GOLGB1: variants seen among roughly 807,000 people sequenced by gnomAD.
The protein encoded by GOLGB1 is golgin B1.
Under a neutral mutation model 336.9 loss-of-function variants are expected in GOLGB1, and 174 were observed. The observed-to-expected ratio is 0.52, with a 90% CI of 0.46 to 0.59. The LOEUF (loss-of-function observed/expected upper bound fraction) is 0.59, where lower values mean the gene tolerates loss of function less well. Ranked by LOEUF, GOLGB1 falls within the 20% of genes least tolerant of loss-of-function variation. The probability of loss-of-function intolerance (pLI) is 0.00; values close to 1 mark genes in which losing one functional copy is unlikely to be tolerated. For missense variants in GOLGB1, 3,331 were observed against 3,645.3 expected (o/e 0.91, Z 2.22); for synonymous variants, 1,208 against 1,289.2 (o/e 0.94, Z 1.35).
chr3:121,673,724 T>TATCTATCTATCTATC (rs1939917482), intron 17 of GOLGB1, among the ~76,000 whole-genome samples: 1 of 151,886 alleles, frequency 6.6e-6, no homozygotes, highest in Non-Finnish European at 1.5e-5. Flanking sequence ...TCTATCTATC[T>TATCTATCTATCTATC]ATCTATCTAT....
chr3:121,692,532 G>C lies in GOLGB1; in HGVS notation c.6832C>G (p.Gln2278Glu). The C allele has an allele frequency of 1.2e-6, 2 of 1,609,376 alleles. No individual in the cohort carries two copies. The highest frequency in any genetic ancestry group is 1.7e-6 in the Non-Finnish European group (2 of 1,178,642). ...GTATCACAGACCTTCTGCTGAAGCTGGACCTCTGTCTGGGCCTTGGACTCC... is the reference window on the plus strand; with the variant it reads ...GTATCACAGACCTTCTGCTGAAGCTCGACCTCTGTCTGGGCCTTGGACTCC... ...IWESKAQTEV[Q>E]LQQKVCDTLQ... Residue 2278 changes from glutamine (Q) to glutamate (E), a missense_variant, in exon 14 of 22, where the codon CAG becomes GAG. Coordinates refer to ENST00000614479, the MANE Select transcript of GOLGB1 (RefSeq NM_001366282.2).
intron 1 of GOLGB1, among the ~76,000 whole-genome samples, chr3:121,747,673 G>A (rs978380906): frequency 2.6e-5 from 4 of 151,794 alleles, no homozygotes; most frequent in Admixed American, 6.6e-5. Flanking sequence ...AAGACAGAAG[G>A]GGGTATATAT....
chr3:121,674,351 C>T (rs1367511594), intron 17 of GOLGB1, among the ~76,000 whole-genome samples: 10 of 152,048 alleles, frequency 6.6e-5, no homozygotes, highest in Non-Finnish European at 1.3e-4. Context: ...AGAGGAAAGG[C>T]CTTCAATTTT....
chr3:121,671,623 TTG>T (rs1184582706), intron 17 of GOLGB1, among the ~76,000 whole-genome samples: 1 of 152,218 alleles, frequency 6.6e-6, no homozygotes, highest in Non-Finnish European at 1.5e-5. Context: ...CCTTAAGTAT[TTG>T]TCTTTCCTTT....
chr3:121,729,011 C>T (rs959889731), intron 4 of GOLGB1, 177 bp downstream of exon 4: 3 of 423,252 alleles, frequency 7.1e-6, no homozygotes, highest in African/African-American at 6.2e-5. Flanking sequence ...ATCTTTCATT[C>T]TCCCTGTGTG....
chr3:121,700,414 A>C (rs897586627), intron 11 of GOLGB1, among the ~76,000 whole-genome samples: 1 of 152,144 alleles, frequency 6.6e-6, no homozygotes, highest in Non-Finnish European at 1.5e-5. Flanking sequence ...TTAGAATCCA[A>C]GTCTTCAGAG....
At chr3:121,741,873 T>C (rs914208804) in intron 1 of GOLGB1, among the ~76,000 whole-genome samples, 23 of 152,214 alleles carry the variant, frequency 1.5e-4, no homozygotes, top group Non-Finnish European at 2.5e-4. Flanking sequence ...AAAGAAGGTT[T>C]TCTTAGAGAA....
chr3:121,676,053 A>G (rs6793556), intron 17 of GOLGB1, among the ~76,000 whole-genome samples: 19,206 of 152,232 alleles, frequency 0.13, 1,434 homozygotes, highest in African/African-American at 0.19. Context: ...ACCAATAAAG[A>G]GTCTACAGTT....
intron 1 of GOLGB1, among the ~76,000 whole-genome samples, chr3:121,744,962 G>T (rs893616071): frequency 1.3e-5 from 2 of 152,142 alleles, no homozygotes; most frequent in Non-Finnish European, 2.9e-5. Flanking sequence ...TAAAGCGTCA[G>T]TTTCCTCATC....
At chr3:121,708,484 T>A (rs1418126825) in intron 10 of GOLGB1, among the ~76,000 whole-genome samples, 1 of 151,324 alleles carries the variant, frequency 6.6e-6, no homozygotes, top group African/African-American at 2.4e-5. Flanking sequence ...AAAAAAAAAA[T>A]TTGCCAGGCA....
Position 121,691,832 on chromosome 3 carries a change from T to C in GOLGB1, c.7532A>G (p.Asn2511Ser), listed in dbSNP as rs1392117650. 2 of 1,613,094 alleles carry C rather than the reference T, an allele frequency of 1.2e-6. No homozygotes were observed. The highest frequency in any genetic ancestry group is 1.7e-6 in the Non-Finnish European group (2 of 1,179,672). Residue 2511 changes from asparagine (N) to serine (S), a missense_variant, in exon 14 of 22, where the codon AAT becomes AGT. By Grantham distance (46) the Asn-to-Ser change is conservative. Transcript: ENST00000614479. ...QLIQEAAAEN[N>S]KLKEEIRGLR... ...GCCTCGTATTTCTTCTTTAAGCTTA[T>C]TATTCTCTGCAGCAGCCTCTTGGAT...
chr3:121,687,215 T>C (rs1941846886), intron 14 of GOLGB1, among the ~76,000 whole-genome samples: 1 of 152,050 alleles, frequency 6.6e-6, no homozygotes, highest in Non-Finnish European at 1.5e-5. Context: ...TGAGCCAAGA[T>C]TGCACCACTG....
Position 121,722,266 on chromosome 3 carries a change from G to T in GOLGB1, c.644C>A (p.Ala215Glu). 2 of 1,581,352 alleles carry T rather than the reference G, an allele frequency of 1.3e-6. No individual in the cohort carries two copies. Among genetic ancestry groups the T allele is most frequent in the Non-Finnish European group, 1.7e-6 (2 of 1,150,142 alleles). The change falls in exon 6 of 22, where the codon GCA (alanine) becomes GAA (glutamate). Residue 215 changes from alanine to glutamate, a missense_variant. Coordinates refer to ENST00000614479, the MANE Select transcript of GOLGB1 (RefSeq NM_001366282.2). ...CTAATTTTGTGAGGTCCCTACCTGT[G>T]CAGCTTGCTCTGCCTGTGTCTGGCT... The part of the protein sequence containing the change: ...QLSQTQAEQA[A>E]QLSSMQQVVR...
At position 121,663,555 on chromosome 3, in the gene GOLGB1, C is replaced by CA. The variant is rs1430515110; in HGVS notation, c.*924dup. 6.6e-6 allele frequency: 1 copy of CA among 152,196 alleles called. No homozygotes were observed. The highest frequency in any genetic ancestry group is 1.5e-5 in the Non-Finnish European group (1 of 68,024). 9.4% of individuals were successfully genotyped at this position (152,196 alleles called of 1,614,324 possible). On this transcript the variant is annotated 3_prime_UTR_variant, in exon 22 of 22. Coordinates refer to ENST00000614479, the MANE Select transcript of GOLGB1 (RefSeq NM_001366282.2). ...AAACTGTAATAACTGTCACTAACAGCAAAGTAGCTTAGTACTTCAAGAGGT... is the reference window on the plus strand; with the variant it reads ...AAACTGTAATAACTGTCACTAACAGCAAAAGTAGCTTAGTACTTCAAGAGGT...
At chr3:121,709,655 A>T (rs1392340312) in intron 10 of GOLGB1, among the ~76,000 whole-genome samples, 1 of 152,216 alleles carries the variant, frequency 6.6e-6, no homozygotes, top group Non-Finnish European at 1.5e-5. Context: ...AAAAAACCAC[A>T]ACATAACAAG....
chr3:121,731,477 C>T (rs1478020803), intron 1 of GOLGB1, among the ~76,000 whole-genome samples: 2 of 152,000 alleles, frequency 1.3e-5, no homozygotes, highest in Admixed American at 1.3e-4. Flanking sequence ...GATCCTGCCA[C>T]CTCAGCCTTT....
At chr3:121,738,610 G>A (rs182216546) in intron 1 of GOLGB1, among the ~76,000 whole-genome samples, 1 of 152,082 alleles carries the variant, frequency 6.6e-6, no homozygotes. Flanking sequence ...TACAAGGAGG[G>A]GTCTTCCCAT....
At position 121,691,158 on chromosome 3, in the gene GOLGB1, CTG is replaced by C. The variant is rs1942382690; in HGVS notation, c.8204_8205del (p.Thr2735SerfsTer16). On this transcript the variant is annotated frameshift_variant, in exon 14 of 22. Coordinates refer to ENST00000614479, the MANE Select transcript of GOLGB1 (RefSeq NM_001366282.2). LOFTEE classifies it high-confidence loss of function. Reference protein sequence around the residue: ...LMVTKENKGLTAQIQSFGRSM... With the variant: ...LMVTKENKGLXAQIQSFGRSM... ...GACCTTCCAAAAGACTGAATTTGTG[CTG>C]TGAGACCTTTATTTTCTTTGGTGAC... 1 of 1,613,298 alleles carries C rather than the reference CTG, an allele frequency of 6.2e-7. No individual in the cohort carries two copies. Among genetic ancestry groups the C allele is most frequent in the Non-Finnish European group, 8.5e-7 (1 of 1,179,844 alleles).
intron 2 of GOLGB1, chr3:121,730,236 T>C (rs567697375): frequency 2.5e-6 from 1 of 395,974 alleles, no homozygotes; most frequent in African/African-American, 2.1e-5. Context: ...ATTTAAGGTA[T>C]TATTATCCTA....
Sources: allele counts gnomAD v4.1 joint callset (sites outside exome capture counted in the v4.1 genomes callset), GRCh38; gene constraint gnomAD v4.1.1; transcripts MANE v1.5; gene names NCBI Gene and HGNC (gene_info 2026-07-23, HGNC 2026-07-21).